The following RARA variants were observed in gnomAD, a reference collection of about 807,000 sequenced individuals.
RARA encodes the protein PML-DDX5-RARA fusion.
In RARA, 5 loss-of-function variants were observed where a neutral mutation model predicts 42.8. That is an observed-to-expected ratio of 0.12 (90% CI 0.06 to 0.25). The LOEUF (loss-of-function observed/expected upper bound fraction) is 0.25, where lower values mean the gene tolerates loss of function less well. Among genes scored for constraint, RARA ranks in the 10% least tolerant of loss-of-function variants. RARA has a pLI of 1.00. For missense variants in RARA, 402 were observed against 628.7 expected (o/e 0.64, Z 3.86); for synonymous variants, 256 against 259.5 (o/e 0.99, Z 0.13).
In RARA at chr17:40,330,955, A is replaced by C; in HGVS notation, c.-264A>C. 2.3e-6 allele frequency: 1 copy of C among 431,598 alleles called. No individual in the cohort carries two copies. 26.7% of individuals were successfully genotyped at this position (431,598 alleles called of 1,614,324 possible). On this transcript the variant is annotated 5_prime_UTR_variant, in exon 2 of 9. Coordinates refer to ENST00000254066, the MANE Select transcript of RARA (RefSeq NM_000964.4). ...AGGCCAGCTCTGGACCTTCCCAGGAAAAGTGCCAGCTCACAGAACTGCTTG... is the reference window on the plus strand; with the variant it reads ...AGGCCAGCTCTGGACCTTCCCAGGACAAGTGCCAGCTCACAGAACTGCTTG...
Position 40,354,586 on chromosome 17 carries a change from G to T in RARA, c.1012+80G>T. 1 of 1,493,078 alleles carries T rather than the reference G, an allele frequency of 6.7e-7. No homozygotes were observed. 92.5% of individuals were successfully genotyped at this position (1,493,078 alleles called of 1,614,324 possible). On this transcript the variant is annotated intron_variant, in intron 7 of 8. Transcript: ENST00000254066. The surrounding 1 kb of genome is among the most constrained non-coding windows in gnomAD (Gnocchi z 4.5). ...AGTCTCTTCCAGGGAGCTCTTTCAG[G>T]CCACCTCTGTTAGGTATCTCTAGAG...
chr17:40,354,294 G>A lies in RARA; in HGVS notation c.808-8G>A, dbSNP rs2143521005. ...CAGTCCCTGAACCCAAGCATCCTCTGCACCCAGATCCTGCGGATCTGCACG... is the reference window on the plus strand; with the variant it reads ...CAGTCCCTGAACCCAAGCATCCTCTACACCCAGATCCTGCGGATCTGCACG... On this transcript the variant is annotated splice_region_variant and splice_polypyrimidine_tract_variant and intron_variant, in intron 6 of 8. Transcript: ENST00000254066. The surrounding 1 kb of genome is among the most constrained non-coding windows in gnomAD (Gnocchi z 4.5). 1.2e-6 allele frequency: 2 copies of A among 1,613,494 alleles called. No homozygotes were observed. The highest frequency in any genetic ancestry group is 1.7e-6 in the Non-Finnish European group (2 of 1,179,800).
chr17:40,351,921 G>A lies in RARA; in HGVS notation c.481G>A (p.Asp161Asn). Residue 161 changes from aspartate (D) to asparagine (N), a missense_variant, in exon 5 of 9, where the codon GAC (aspartate) becomes AAC (asparagine). Coordinates refer to ENST00000254066, the MANE Select transcript of RARA (RefSeq NM_000964.4). The surrounding 1 kb of genome is among the most constrained non-coding windows in gnomAD (Gnocchi z 4.1). ...TCTGCCCTCCACAGCTGTGAGAAAC[G>A]ACCGAAACAAGAAGAAGAAGGAGGT... Reference protein sequence around the residue: ...VGMSKESVRNDRNKKKKEVPK... With the variant: ...VGMSKESVRNNRNKKKKEVPK... 1 of 1,612,198 alleles carries A rather than the reference G, an allele frequency of 6.2e-7. No individual in the cohort carries two copies. Among genetic ancestry groups the A allele is most frequent in the Non-Finnish European group, 8.5e-7 (1 of 1,179,468 alleles).
chr17:40,355,193 C>G lies in RARA; in HGVS notation c.1013-70C>G. 1 of 1,489,908 alleles carries G rather than the reference C, an allele frequency of 6.7e-7. No homozygotes were observed. The highest frequency in any genetic ancestry group is 9.0e-7 in the Non-Finnish European group (1 of 1,112,018). 92.3% of individuals were successfully genotyped at this position (1,489,908 alleles called of 1,614,324 possible). ...CTCCTCCATGGCCTGGGCAGGCACG[C>G]CCCCCGGTGGCCGAGGCTGGGGGTG... is the stretch of plus-strand genomic sequence containing the variant. On this transcript the variant is annotated intron_variant, in intron 7 of 8. Coordinates refer to ENST00000254066, the MANE Select transcript of RARA (RefSeq NM_000964.4). This position sits in a 1 kb window ranked among gnomAD's most constrained non-coding sequence, Gnocchi z 4.1.
At position 40,326,375 on chromosome 17, in the gene RARA, G is replaced by C. The variant is rs756266908; in HGVS notation, c.-362-4482G>C. 1 of 152,396 alleles carries C rather than the reference G, an allele frequency of 6.6e-6. No homozygotes were observed. Among genetic ancestry groups the C allele is most frequent in the Non-Finnish European group, 1.5e-5 (1 of 68,042 alleles). The allele number at this position is 152,396 out of a possible 1,614,324, so 9.4% of individuals were successfully genotyped here. A position where few individuals can be genotyped will look rare whatever the true frequency, so the allele number is the denominator to read the frequency against. The stretch of plus-strand genomic sequence containing the variant: ...TGCTTAGAGAGGTTAAGTGACTTGC[G>C]TAAGGTCACCCAGAGTGGCAGAGCT... On this transcript the variant is annotated intron_variant, in intron 1 of 8. Coordinates refer to ENST00000254066, the MANE Select transcript of RARA (RefSeq NM_000964.4). The surrounding 1 kb of genome is among the most constrained non-coding windows in gnomAD (Gnocchi z 5.2).
chr17:40,335,743 G>A (rs1188979583), intron 2 of RARA, among the ~76,000 whole-genome samples: 2 of 150,994 alleles, frequency 1.3e-5, no homozygotes, highest in African/African-American at 4.9e-5. Context: ...GTGCAGTGGC[G>A]CCTGCCTGTA....
chr17:40,352,440 C>G lies in RARA; in HGVS notation c.740C>G (p.Pro247Arg). The G allele has an allele frequency of 6.2e-7, 1 of 1,613,944 alleles. No homozygotes were observed. The highest frequency in any genetic ancestry group is 8.5e-7 in the Non-Finnish European group (1 of 1,179,894). The part of the protein sequence containing the change: ...IKTVEFAKQL[P>R]GFTTLTIADQ... ...ACTGTGGAGTTCGCCAAGCAGCTGC[C>G]CGGCTTCACCACCCTCACCATCGCC... The change falls in exon 6 of 9, where the codon CCC becomes CGC. Residue 247 changes from proline to arginine, a missense_variant. By Grantham distance (103) the Pro-to-Arg change is moderately radical. Transcript: ENST00000254066. This position sits in a 1 kb window ranked among gnomAD's most constrained non-coding sequence, Gnocchi z 4.9.
rs2034598159 is a variant in RARA, at chr17:40,355,686, C to T, written c.1171+265C>T. On this transcript the variant is annotated intron_variant, in intron 8 of 8. Transcript: ENST00000254066. The surrounding 1 kb of genome is among the most constrained non-coding windows in gnomAD (Gnocchi z 4.1). ...ACTCAACAGCTCCTAGCTACAGTTT[C>T]CCTTCCGAGGGCGGGGATAACATTC... is the stretch of plus-strand genomic sequence containing the variant. Among the ~76,000 whole-genome samples the T allele has an allele frequency of 6.6e-6, 1 of 152,198 alleles. No homozygotes were observed. Among genetic ancestry groups the T allele is most frequent in the South Asian group, 2.1e-4 (1 of 4,838 alleles).
rs374918094 is a variant in RARA, at chr17:40,321,698, C to T, written c.-362-9159C>T. On this transcript the variant is annotated intron_variant, in intron 1 of 8. Coordinates refer to ENST00000254066, the MANE Select transcript of RARA (RefSeq NM_000964.4). ...AGGCACCACTGTCAGCCTGGGGAGC[C>T]GGTGGGGGGATTAGGCTGCTGCCAG... is the stretch of plus-strand genomic sequence containing the variant. 4.6e-5 allele frequency among the ~76,000 whole-genome samples: 7 copies of T among 152,320 alleles called. No individual in the cohort carries two copies. In the East Asian group the frequency reaches 5.8e-4, roughly 13 times the overall value.
At position 40,345,483 on chromosome 17, in the gene RARA, G is replaced by A. The variant is rs559432228; in HGVS notation, c.179-2833G>A. ...CGGCCCCTTGTGCGAGCCTGCGAAC[G>A]GCTCGGGGGCGTGGGGAATCCGGAG... On this transcript the variant is annotated intron_variant, in intron 2 of 8. Transcript: ENST00000254066. The surrounding 1 kb of genome is among the most constrained non-coding windows in gnomAD (Gnocchi z 4.8). Among the ~76,000 whole-genome samples, 10 of 152,354 alleles carry A rather than the reference G, an allele frequency of 6.6e-5. No homozygotes were observed. Among genetic ancestry groups the A allele is most frequent in the East Asian group, 3.9e-4 (2 of 5,182 alleles).
At chr17:40,350,089 A>C (rs1053267221) in intron 4 of RARA, 164 bp downstream of exon 4, 1 of 1,130,356 alleles carries the variant, frequency 8.8e-7, no homozygotes, top group Non-Finnish European at 1.2e-6. Context: ...AGCTGCAAGG[A>C]CCTGTTTGCG....
intron 2 of RARA, chr17:40,342,603 C>T: frequency 6.9e-7 from 1 of 1,450,800 alleles, no homozygotes; most frequent in East Asian, 2.6e-5. Context: ...GAGGGGACGT[C>T]TCCTCTCCCC....
At chr17:40,346,556 A>C (rs2143441693) in intron 2 of RARA, among the ~76,000 whole-genome samples, 1 of 145,212 alleles carries the variant, frequency 6.9e-6, no homozygotes, top group South Asian at 2.1e-4. Flanking sequence ...TACTGCTTTT[A>C]CGTCTTGGAA....
chr17:40,323,960 T>C (rs923751557), intron 1 of RARA, among the ~76,000 whole-genome samples: 3 of 151,952 alleles, frequency 2.0e-5, no homozygotes, highest in Non-Finnish European at 4.4e-5. Context: ...ATACGCAGGG[T>C]TGGGCTGAGC....
At position 40,331,214 on chromosome 17, in the gene RARA, T is replaced by C; in HGVS notation, c.-5T>C. ...CTGCCTCCCTTCTGACTGTGGCCGC[T>C]TGGCATGGCCAGCAACAGCAGCTCC... On this transcript the variant is annotated 5_prime_UTR_variant, in exon 2 of 9. Transcript: ENST00000254066. The C allele has an allele frequency of 6.2e-7, 1 of 1,608,420 alleles. No individual in the cohort carries two copies. Among genetic ancestry groups the C allele is most frequent in the Non-Finnish European group, 8.5e-7 (1 of 1,178,224 alleles).
intron 2 of RARA, 160 bp from the exon 3 acceptor site, chr17:40,348,154 CCT>C: frequency 1.2e-6 from 1 of 866,078 alleles, no homozygotes; most frequent in Non-Finnish European, 1.7e-6. Flanking sequence ...AGCCTCCTGC[CCT>C]GAGTCTGGCT....
chr17:40,338,144 G>A (rs1241175296), intron 2 of RARA, among the ~76,000 whole-genome samples: 1 of 152,236 alleles, frequency 6.6e-6, no homozygotes, highest in African/African-American at 2.4e-5. Context: ...TTTTAGGTGG[G>A]TCAGGGCCGA....
At position 40,326,137 on chromosome 17, in the gene RARA, G is replaced by A. The variant is rs1026383473; in HGVS notation, c.-362-4720G>A. The stretch of plus-strand genomic sequence containing the variant: ...ATGGGTAATTCTCCCTCCTGGCCCC[G>A]TCAACAGATGTTGCCCTGGGTGGGG... On this transcript the variant is annotated intron_variant, in intron 1 of 8. Coordinates refer to ENST00000254066, the MANE Select transcript of RARA (RefSeq NM_000964.4). This position sits in a 1 kb window ranked among gnomAD's most constrained non-coding sequence, Gnocchi z 5.2. Among the ~76,000 whole-genome samples, 21 of 152,316 alleles carry A rather than the reference G, an allele frequency of 1.4e-4. No homozygotes were observed. Among genetic ancestry groups the A allele is most frequent in the African/African-American group, 4.1e-4 (17 of 41,566 alleles).
At chr17:40,342,219 G>A in intron 2 of RARA, 1 of 1,055,014 alleles carries the variant, frequency 9.5e-7, no homozygotes, top group East Asian at 5.3e-5. Context: ...TGGCGGGGGC[G>A]GAACCGCGCG....
Sources: allele counts gnomAD v4.1 joint callset (sites outside exome capture counted in the v4.1 genomes callset), GRCh38; gene constraint gnomAD v4.1.1; non-coding constraint Gnocchi (gnomAD v3.1); transcripts MANE v1.5; gene names NCBI Gene and HGNC (gene_info 2026-07-23, HGNC 2026-07-21).